KANK1: variants seen among roughly 807,000 people sequenced by gnomAD.
The protein encoded by KANK1 is KN motif and ankyrin repeat domains 1, also known as KN motif and ankyrin repeat domain-containing protein 1.
A neutral mutation model predicts 106.2 loss-of-function variants in KANK1; 109 were observed. The ratio of observed to expected loss-of-function variants is 1.03; its 90% CI spans 0.88 to 1.20. KANK1 has a LOEUF of 1.20. KANK1 is among the 50% of genes most tolerant of loss of function. The pLI, the probability that KANK1 is intolerant of heterozygous loss-of-function variation, is 0.00. For missense variants in KANK1, 2,399 were observed against 1,710.7 expected (o/e 1.40, Z -7.10); for synonymous variants, 873 against 652.2 (o/e 1.34, Z -5.16).
intron 1 of KANK1, among the ~76,000 whole-genome samples, chr9:535,685 C>A (rs1238297212): frequency 6.6e-6 from 1 of 152,172 alleles, no homozygotes; most frequent in African/African-American, 2.4e-5. Context: ...GCTCCACTTG[C>A]TTGGTGCACA....
chr9:676,979 C>T lies in KANK1; in HGVS notation c.7C>T (p.His3Tyr), dbSNP rs776889206. 3.7e-6 allele frequency: 6 copies of T among 1,613,680 alleles called. No individual in the cohort carries two copies. In the East Asian group the frequency reaches 1.3e-4, roughly 36 times the overall value. Residue 3 changes from histidine (H) to tyrosine (Y), a missense_variant, in exon 2 of 12, where the codon CAC becomes TAC. His to Tyr is a moderately conservative substitution (Grantham distance 83). Coordinates refer to ENST00000382297, the MANE Select transcript of KANK1 (RefSeq NM_015158.5). ...TCATTGGACTCAAGCCAGCATGGCT[C>T]ACACCACAAAGGTTAACGGCAGTGC... MA[H>Y]TTKVNGSASG... is the part of the protein sequence containing the mutation.
At position 711,853 on chromosome 9, in the gene KANK1, A is replaced by G; in HGVS notation, c.1087A>G (p.Arg363Gly). ...GGAGACCGTAGAACAGAGCACGCAG[A>G]GGATAAAGGAGTTCCGGCAACTTAC... ...EMETVEQSTQ[R>G]IKEFRQLTAD... The change falls in exon 3 of 12, where the codon AGG (arginine) becomes GGG (glycine). Residue 363 changes from arginine (R) to glycine (G), a missense_variant. Arg to Gly is a moderately radical substitution (Grantham distance 125). Transcript: ENST00000382297. The G allele has an allele frequency of 6.2e-7, 1 of 1,614,174 alleles. No homozygotes were observed. Among genetic ancestry groups the G allele is most frequent in the Non-Finnish European group, 8.5e-7 (1 of 1,180,040 alleles).
At chr9:599,750 G>C (rs1468192971) in intron 1 of KANK1, among the ~76,000 whole-genome samples, 1 of 151,890 alleles carries the variant, frequency 6.6e-6, no homozygotes, top group African/African-American at 2.4e-5. Context: ...CATAAAGAGA[G>C]AATTGACTTT....
At chr9:563,134 C>T (rs1816920644) in intron 1 of KANK1, among the ~76,000 whole-genome samples, 1 of 151,192 alleles carries the variant, frequency 6.6e-6, no homozygotes, top group Non-Finnish European at 1.5e-5. Context: ...AGCCTGTGTT[C>T]TGTAGCTCTA....
intron 1 of KANK1, among the ~76,000 whole-genome samples, chr9:523,215 A>G (rs1456708007): frequency 6.6e-6 from 1 of 151,666 alleles, no homozygotes; most frequent in East Asian, 1.9e-4. Flanking sequence ...TCACCCAAAC[A>G]GAATTTCTTA....
intron 3 of KANK1, among the ~76,000 whole-genome samples, chr9:728,038 A>T (rs1196257164): frequency 6.6e-6 from 1 of 152,118 alleles, no homozygotes; most frequent in Non-Finnish European, 1.5e-5. Flanking sequence ...ATTAAAACAG[A>T]GATCTTAGGA....
At chr9:585,909 A>T (rs1265165724) in intron 1 of KANK1, among the ~76,000 whole-genome samples, 1 of 152,220 alleles carries the variant, frequency 6.6e-6, no homozygotes, top group Admixed American at 6.5e-5. Flanking sequence ...CTGAAGGTCA[A>T]CAGGGGAGTT....
chr9:635,623 A>C lies in KANK1; in HGVS notation c.-83-41267A>C, dbSNP rs887405427. On this transcript the variant is annotated intron_variant, in intron 1 of 11. Transcript: ENST00000382297. The stretch of plus-strand genomic sequence containing the variant: ...AGTAAGAATTCTATATGAGTAGAAT[A>C]AGAAAAAGTTAATGTGGCATTCACA... 2.0e-5 allele frequency among the ~76,000 whole-genome samples: 3 copies of C among 152,276 alleles called. No homozygotes were observed. The South Asian group carries it at 6.2e-4, about 32-fold the overall frequency.
intron 1 of KANK1, among the ~76,000 whole-genome samples, chr9:519,618 CCT>C (rs2059455553): frequency 6.6e-6 from 1 of 151,740 alleles, no homozygotes; most frequent in African/African-American, 2.4e-5. Context: ...ATGATTTCGA[CCT>C]CTCATAAAAT....
At chr9:621,190 A>G (rs1833062766) in intron 1 of KANK1, among the ~76,000 whole-genome samples, 1 of 152,224 alleles carries the variant, frequency 6.6e-6, no homozygotes, top group African/African-American at 2.4e-5. Context: ...TAATAAAGGT[A>G]AATAGAAAAC....
At chr9:486,176 A>G (rs2058290731) in intron 3 of KANK1, among the ~76,000 whole-genome samples, 1 of 152,228 alleles carries the variant, frequency 6.6e-6, no homozygotes, top group Non-Finnish European at 1.5e-5. Context: ...TGCTGTAATC[A>G]AAGGATTATT....
chr9:684,410 A>C (rs1818149789), intron 2 of KANK1: 2 of 985,252 alleles, frequency 2.0e-6, no homozygotes, highest in South Asian at 9.4e-5. Context: ...AGAAAGAAAA[A>C]AACACATACA....
chr9:678,564 A>C (rs1166238655), intron 2 of KANK1, among the ~76,000 whole-genome samples: 3 of 152,002 alleles, frequency 2.0e-5, no homozygotes, highest in African/African-American at 7.3e-5. Context: ...CCCCATCTCT[A>C]CAAAAATACA....
intron 3 of KANK1, 33 bp from the exon 4 acceptor site, chr9:730,018 T>C: frequency 6.3e-7 from 1 of 1,587,430 alleles, no homozygotes; most frequent in Non-Finnish European, 8.6e-7. Context: ...AGTCCTAGCA[T>C]CACACACTCT....
intron 1 of KANK1, among the ~76,000 whole-genome samples, chr9:529,246 C>A (rs1271259554): frequency 1.3e-5 from 2 of 151,368 alleles, no homozygotes; most frequent in African/African-American, 4.9e-5. Flanking sequence ...CACACACACA[C>A]ACACACACAT....
At chr9:710,537 G>T (rs888072938) in intron 2 of KANK1, among the ~76,000 whole-genome samples, 5 of 144,560 alleles carry the variant, frequency 3.5e-5, no homozygotes, top group Non-Finnish European at 6.0e-5. Flanking sequence ...AGAATTGCTT[G>T]ATCCCAGGAG....
chr9:509,122 C>T (rs984690819), intron 1 of KANK1, among the ~76,000 whole-genome samples: 5 of 151,794 alleles, frequency 3.3e-5, no homozygotes, highest in Admixed American at 6.6e-5. Flanking sequence ...TTTTTGGAGG[C>T]GGAGTCTTGC....
At chr9:742,490 A>G (rs1397568453) in intron 10 of KANK1, 85 bp downstream of exon 10, 3 of 1,013,214 alleles carry the variant, frequency 3.0e-6, no homozygotes, top group East Asian at 2.5e-5. Flanking sequence ...GCCAGGAGCG[A>G]CCAAATCCTC....
At chr9:721,071 A>G (rs1395493941) in intron 3 of KANK1, among the ~76,000 whole-genome samples, 2 of 152,186 alleles carry the variant, frequency 1.3e-5, no homozygotes, top group African/African-American at 4.8e-5. Context: ...GATGCCTGCA[A>G]TTGGAGACAC....
Sources: allele counts gnomAD v4.1 joint callset (sites outside exome capture counted in the v4.1 genomes callset), GRCh38; gene constraint gnomAD v4.1.1; transcripts MANE v1.5; gene names NCBI Gene and HGNC (gene_info 2026-07-23, HGNC 2026-07-21).